The following TMEM163 variants were observed in gnomAD, a reference collection of about 807,000 sequenced individuals.
TMEM163 encodes the protein transmembrane protein 163.
In TMEM163, 17 loss-of-function variants were observed where a neutral mutation model predicts 29.3. That is an observed-to-expected ratio of 0.58 (90% CI 0.40 to 0.87). TMEM163 has a LOEUF of 0.87. Among genes scored for constraint, TMEM163 ranks in the 40% least tolerant of loss-of-function variants. The pLI is 0.00. For synonymous variants in TMEM163, 157 were observed against 160.6 expected, an observed-to-expected ratio of 0.98 and a Z score of 0.17; for missense variants, 303 against 381.5, an observed-to-expected ratio of 0.79 and a Z score of 1.71.
At chr2:134,667,062 C>T (rs1683887068) in intron 2 of TMEM163, among the ~76,000 whole-genome samples, 1 of 152,224 alleles carries the variant, frequency 6.6e-6, no homozygotes, top group Non-Finnish European at 1.5e-5. Flanking sequence ...TGCATCCCAG[C>T]ATGAGTGTGA....
Position 134,464,013 on chromosome 2 carries a change from C to G in TMEM163, c.667+2101G>C, listed in dbSNP as rs148034016. Among the ~76,000 whole-genome samples the G allele has an allele frequency of 3.3e-5, 5 of 152,326 alleles. No individual in the cohort carries two copies. The East Asian group carries it at 5.8e-4, about 18-fold the overall frequency. On this transcript the variant is annotated intron_variant, in intron 6 of 7. Transcript: ENST00000281924. ...TGCTGAAAGCTGCACAGGAAAGAGGCAGTCTTAACCCAGGCAGTCAAGGTA... is the reference window on the plus strand; with the variant it reads ...TGCTGAAAGCTGCACAGGAAAGAGGGAGTCTTAACCCAGGCAGTCAAGGTA...
chr2:134,645,437 T>TA (rs1683314463), intron 2 of TMEM163, among the ~76,000 whole-genome samples: 1 of 152,218 alleles, frequency 6.6e-6, no homozygotes, highest in Admixed American at 6.5e-5. Flanking sequence ...AGATACTTAC[T>TA]ATCTGGCCCT....
At chr2:134,532,933 G>A (rs1680446334) in intron 4 of TMEM163, among the ~76,000 whole-genome samples, 1 of 152,170 alleles carries the variant, frequency 6.6e-6, no homozygotes, top group Non-Finnish European at 1.5e-5. Context: ...CAGGTCTGTG[G>A]TATAATGCAC....
Position 134,460,756 on chromosome 2 carries a change from C to T in TMEM163, c.668-2583G>A, listed in dbSNP as rs58731285. On this transcript the variant is annotated intron_variant, in intron 6 of 7. Coordinates refer to ENST00000281924, the MANE Select transcript of TMEM163 (RefSeq NM_030923.5). This position sits in a 1 kb window ranked among gnomAD's most constrained non-coding sequence, Gnocchi z 4.3. ...AGTCACCCGCTCTGCCAGCCAGCAC[C>T]AAGGCCGGCCCAGCTTGCTATTCCT... 0.02 allele frequency among the ~76,000 whole-genome samples: 3,012 copies of T among 152,302 alleles called. 154 individuals are homozygous for T. The highest frequency in any genetic ancestry group is 0.18 in the East Asian group (931 of 5,162).
rs1683305226 is a variant in TMEM163, at chr2:134,645,119, C to T, written c.322+68081G>A. On this transcript the variant is annotated intron_variant, in intron 2 of 7. Coordinates refer to ENST00000281924, the MANE Select transcript of TMEM163 (RefSeq NM_030923.5). ...TTAAAAATGCTGCTTATACCAAATG[C>T]TTACAAGAATATAGAGGAACCAGAA... Among the ~76,000 whole-genome samples, 3 of 152,298 alleles carry T rather than the reference C, an allele frequency of 2.0e-5. 1 individual carries two copies. In the South Asian group the frequency reaches 6.2e-4, roughly 32 times the overall value.
chr2:134,717,678 G>T (rs1329632575), intron 1 of TMEM163, among the ~76,000 whole-genome samples: 1 of 152,186 alleles, frequency 6.6e-6, no homozygotes, highest in African/African-American at 2.4e-5. Context: ...CAAAAGAGCC[G>T]GCTTCCCCTA....
intron 2 of TMEM163, among the ~76,000 whole-genome samples, chr2:134,599,642 G>A (rs915920684): frequency 6.6e-6 from 1 of 151,380 alleles, no homozygotes; most frequent in African/African-American, 2.4e-5. Flanking sequence ...AGCAAGACCC[G>A]AGACACAAAC....
chr2:134,652,099 T>C (rs1455656993), intron 2 of TMEM163, among the ~76,000 whole-genome samples: 4 of 140,500 alleles, frequency 2.8e-5, no homozygotes, highest in Non-Finnish European at 6.0e-5. Context: ...TTGGTAGCTT[T>C]ATGGGAATGG....
At chr2:134,637,531 C>A (rs1338738322) in intron 2 of TMEM163, among the ~76,000 whole-genome samples, 1 of 152,228 alleles carries the variant, frequency 6.6e-6, no homozygotes, top group Non-Finnish European at 1.5e-5. Flanking sequence ...AATAAAAATT[C>A]ATCAAGTCTA....
chr2:134,703,071 T>C (rs58633030), intron 2 of TMEM163, among the ~76,000 whole-genome samples: 10,915 of 152,182 alleles, frequency 0.072, 904 homozygotes, highest in East Asian at 0.21. Context: ...CTTTACATGG[T>C]TTGAAAGCTA....
At chr2:134,469,210 G>C (rs1686737885) in intron 5 of TMEM163, 1 of 152,176 alleles carries the variant, frequency 6.6e-6, no homozygotes, top group South Asian at 2.1e-4. Context: ...CTATCCAGGG[G>C]CTGTGCGGGA....
intron 2 of TMEM163, among the ~76,000 whole-genome samples, chr2:134,558,074 T>C (rs1681087153): frequency 6.6e-6 from 1 of 152,190 alleles, no homozygotes; most frequent in Non-Finnish European, 1.5e-5. Context: ...ACCAGATCTG[T>C]GATACATATC....
At chr2:134,510,611 T>C (rs1574192339) in intron 4 of TMEM163, among the ~76,000 whole-genome samples, 1 of 152,054 alleles carries the variant, frequency 6.6e-6, no homozygotes, top group South Asian at 2.1e-4. Context: ...GGTGACTGAC[T>C]GGACACAGGC....
chr2:134,694,161 C>T (rs1242980984), intron 2 of TMEM163, among the ~76,000 whole-genome samples: 1 of 152,162 alleles, frequency 6.6e-6, no homozygotes, highest in East Asian at 1.9e-4. Context: ...GCCCAGCATA[C>T]TATGTGCTTG....
At chr2:134,690,738 T>G (rs752034267) in intron 2 of TMEM163, among the ~76,000 whole-genome samples, 1 of 152,244 alleles carries the variant, frequency 6.6e-6, no homozygotes. Flanking sequence ...TTCATGACTT[T>G]GGCTTTCTTT....
At chr2:134,461,495 T>C (rs1395836906) in intron 6 of TMEM163, among the ~76,000 whole-genome samples, 1 of 152,170 alleles carries the variant, frequency 6.6e-6, no homozygotes, top group Admixed American at 6.5e-5. Flanking sequence ...ATGCTCTTCC[T>C]CTGATTTGTA....
intron 2 of TMEM163, among the ~76,000 whole-genome samples, chr2:134,557,441 C>G (rs1474524590): frequency 6.6e-6 from 1 of 152,164 alleles, no homozygotes; most frequent in East Asian, 1.9e-4. Context: ...GAGGTCCTGA[C>G]CGCATGTGCC....
At chr2:134,541,381 GGTAAATTA>G (rs1469318175) in intron 4 of TMEM163, among the ~76,000 whole-genome samples, 1 of 152,230 alleles carries the variant, frequency 6.6e-6, no homozygotes, top group Non-Finnish European at 1.5e-5. Flanking sequence ...CCCTGCTAGT[GGTAAATTA>G]GTATGACCTT....
At chr2:134,531,473 G>T (rs745416158) in intron 4 of TMEM163, among the ~76,000 whole-genome samples, 3 of 152,282 alleles carry the variant, frequency 2.0e-5, no homozygotes, top group Admixed American at 2.0e-4. Flanking sequence ...GCCCCACTTC[G>T]AAGGCCAGCT....
Sources: allele counts gnomAD v4.1 joint callset (sites outside exome capture counted in the v4.1 genomes callset), GRCh38; gene constraint gnomAD v4.1.1; non-coding constraint Gnocchi (gnomAD v3.1); transcripts MANE v1.5; gene names NCBI Gene and HGNC (gene_info 2026-07-23, HGNC 2026-07-21).